Variants in MRPL3 observed in about 807,000 individuals in gnomAD.
The protein encoded by MRPL3 is mitochondrial ribosomal protein L3, also known as large ribosomal subunit protein uL3m.
MRPL3 carries 43 observed loss-of-function variants against 44.3 expected under a neutral mutation model. The observed-to-expected ratio is 0.97, with a 90% CI of 0.76 to 1.25. The LOEUF is 1.25. Ranked by LOEUF, MRPL3 falls within the 50% of genes most tolerant of loss-of-function variation. The probability of loss-of-function intolerance (pLI) is 0.00; values close to 1 mark genes in which losing one functional copy is unlikely to be tolerated. For synonymous variants in MRPL3, 171 were observed against 152.3 expected, an observed-to-expected ratio of 1.12 and a Z score of -0.91; for missense variants, 406 against 427.6, an observed-to-expected ratio of 0.95 and a Z score of 0.45.
chr3:131,479,617 G>A (rs949865289), intron 6 of MRPL3, among the ~76,000 whole-genome samples: 3 of 152,082 alleles, frequency 2.0e-5, no homozygotes, highest in African/African-American at 4.8e-5. Flanking sequence ...AGGCTGAGGC[G>A]GGTGGATCAC....
At chr3:131,482,463 C>T (rs1424643735) in intron 6 of MRPL3, among the ~76,000 whole-genome samples, 2 of 150,470 alleles carry the variant, frequency 1.3e-5, no homozygotes, top group Non-Finnish European at 2.9e-5. Context: ...TGCAGTGAGC[C>T]GAGATCGTGC....
intron 6 of MRPL3, among the ~76,000 whole-genome samples, chr3:131,479,747 A>G (rs1305696333): frequency 6.6e-6 from 1 of 152,244 alleles, no homozygotes; most frequent in Non-Finnish European, 1.5e-5. Context: ...CGGGAGGCTG[A>G]GGCAGGAGAA....
At chr3:131,487,770 T>C (rs372570084) in intron 5 of MRPL3, 30 bp from the exon 6 acceptor site, 485 of 1,585,972 alleles carry the variant, frequency 3.1e-4, no homozygotes, top group Non-Finnish European at 3.9e-4. Context: ...AAAATCAATA[T>C]GAAATTTGAC....
At chr3:131,489,800 A>G (rs1934207940) in intron 5 of MRPL3, among the ~76,000 whole-genome samples, 181 bp downstream of exon 5, 1 of 151,806 alleles carries the variant, frequency 6.6e-6, no homozygotes, top group African/African-American at 2.4e-5. Flanking sequence ...CAGAAAGCAA[A>G]GAGTTATCTA....
At chr3:131,482,654 T>G (rs192804719) in intron 6 of MRPL3, among the ~76,000 whole-genome samples, 11 of 152,326 alleles carry the variant, frequency 7.2e-5, no homozygotes, top group African/African-American at 2.6e-4. Flanking sequence ...ATATGAGTTG[T>G]TTTAATCAGC....
chr3:131,467,712 G>A (rs866363779), intron 9 of MRPL3, among the ~76,000 whole-genome samples: 2 of 152,090 alleles, frequency 1.3e-5, no homozygotes, highest in South Asian at 4.1e-4. Flanking sequence ...TGAACAGCCT[G>A]TGGAACCACG....
Position 131,486,439 on chromosome 3 carries a change from G to GAA in MRPL3, c.629+1239_629+1240dup, listed in dbSNP as rs36174766. On this transcript the variant is annotated intron_variant, in intron 6 of 9. Coordinates refer to ENST00000264995, the MANE Select transcript of MRPL3 (RefSeq NM_007208.4). ...TGAATAGGCAACCTACAGAATGGGA[G>GAA]AAAAATTTTTTTTTTTTTTTATTAT... Among the ~76,000 whole-genome samples the GAA allele has an allele frequency of 1.5e-3, 196 of 133,212 alleles. 1 individual carries two copies. Among genetic ancestry groups the GAA allele is most frequent in the African/African-American group, 4.7e-3 (162 of 34,756 alleles). The allele number at this position is 133,212 out of a possible 152,430, so 87.4% of individuals were successfully genotyped here. A position where few individuals can be genotyped will look rare whatever the true frequency, so the allele number is the denominator to read the frequency against.
At chr3:131,476,774 C>A (rs1264989669) in intron 6 of MRPL3, among the ~76,000 whole-genome samples, 1 of 152,114 alleles carries the variant, frequency 6.6e-6, no homozygotes, top group Non-Finnish European at 1.5e-5. Flanking sequence ...TTTCAGTGCA[C>A]GAAGGGTAGA....
intron 7 of MRPL3, among the ~76,000 whole-genome samples, chr3:131,470,718 T>C (rs6808732): frequency 0.012 from 1,830 of 152,220 alleles, 45 homozygotes; most frequent in African/African-American, 0.041. Flanking sequence ...TGCATACTTA[T>C]AGTTTGAATT....
intron 9 of MRPL3, among the ~76,000 whole-genome samples, chr3:131,463,200 T>C (rs547749066): frequency 2.0e-5 from 3 of 152,278 alleles, no homozygotes; most frequent in African/African-American, 7.2e-5. Context: ...TTTATATGGA[T>C]TCATTTTCAA....
At position 131,500,507 on chromosome 3, in the gene MRPL3, C is replaced by A; in HGVS notation, c.292G>T (p.Gly98Cys). The change falls in exon 3 of 10, where the codon GGT becomes TGT. Residue 98 changes from glycine (G) to cysteine (C), a missense_variant. Gly to Cys is a radical substitution (Grantham distance 159). Coordinates refer to ENST00000264995, the MANE Select transcript of MRPL3 (RefSeq NM_007208.4). Reference protein sequence around the residue: ...HPWEPGSFRVGLIALKLGMMP... With the variant: ...HPWEPGSFRVCLIALKLGMMP... ...ATGCCCAGCTTCAAGGCAATAAGAC[C>A]AACTCTAAAGGAACCTGGCAATTAA... The A allele has an allele frequency of 6.2e-7, 1 of 1,613,618 alleles. No homozygotes were observed. The highest frequency in any genetic ancestry group is 8.5e-7 in the Non-Finnish European group (1 of 1,179,710).
At chr3:131,476,422 A>G (rs1307660054) in intron 6 of MRPL3, among the ~76,000 whole-genome samples, 1 of 152,196 alleles carries the variant, frequency 6.6e-6, no homozygotes, top group Non-Finnish European at 1.5e-5. Context: ...TATACTTAGT[A>G]TAGCCAGACA....
intron 4 of MRPL3, among the ~76,000 whole-genome samples, chr3:131,496,756 A>G (rs1395064791): frequency 1.3e-5 from 2 of 152,162 alleles, no homozygotes; most frequent in Admixed American, 6.5e-5. Context: ...CTTTCCTTCT[A>G]TCAGATTTTT....
intron 6 of MRPL3, among the ~76,000 whole-genome samples, chr3:131,481,902 C>A (rs578208709): frequency 6.6e-6 from 1 of 152,256 alleles, no homozygotes; most frequent in African/African-American, 2.4e-5. Context: ...GCAACTGTAT[C>A]CTGAAGGCAG....
chr3:131,487,538 T>C, intron 6 of MRPL3, 142 bp downstream of exon 6: 4 of 691,432 alleles, frequency 5.8e-6, no homozygotes, highest in Non-Finnish European at 9.8e-6. Flanking sequence ...CCAGTGTAGG[T>C]AACATGAAAG....
chr3:131,469,175 ATT>A (rs1039661331), intron 8 of MRPL3, among the ~76,000 whole-genome samples: 1 of 151,554 alleles, frequency 6.6e-6, no homozygotes, highest in African/African-American at 2.4e-5. Context: ...TTGTAGTGCT[ATT>A]GTTTCCTCCT....
At chr3:131,482,528 A>AG (rs1934015248) in intron 6 of MRPL3, among the ~76,000 whole-genome samples, 1 of 152,004 alleles carries the variant, frequency 6.6e-6, no homozygotes, top group East Asian at 1.9e-4. Flanking sequence ...AAAAAAAAAA[A>AG]AAATTTTATT....
intron 4 of MRPL3, chr3:131,497,915 T>C: frequency 2.5e-6 from 1 of 392,682 alleles, no homozygotes; most frequent in Non-Finnish European, 4.5e-6. Context: ...AGTATTTTTG[T>C]TCCCATTGTA....
In MRPL3 at chr3:131,462,873, G is replaced by C; in HGVS notation, c.897C>G (p.Val299=). 1 of 1,603,200 alleles carries C rather than the reference G, an allele frequency of 6.2e-7. No homozygotes were observed. Among genetic ancestry groups the C allele is most frequent in the Non-Finnish European group, 8.5e-7 (1 of 1,173,670 alleles). Residue 299 remains valine (V), a splice_region_variant and synonymous_variant, in exon 10 of 10, where the codon GTC becomes GTG. Transcript: ENST00000264995. ...TATATGCAGGCAGTTTAGAATCTTT[G>C]ACCTGAGAGAAGGCAAAAATCTTAG... The part of the protein sequence containing the change: ...VPGHKNCLVK[V]KDSKLPAYKD...
Sources: gnomAD v4.1 joint callset for allele counts (sites outside exome capture counted in the v4.1 genomes callset) on GRCh38, gnomAD v4.1.1 for gene constraint, MANE v1.5 for transcripts, NCBI Gene and HGNC (gene_info 2026-07-23, HGNC 2026-07-21) for gene names.